The following VPS13B variants were observed in gnomAD, a reference collection of about 807,000 sequenced individuals.
The protein encoded by VPS13B is intermembrane lipid transfer protein VPS13B.
In VPS13B, 285 loss-of-function variants were observed where a neutral mutation model predicts 426.4. That is an observed-to-expected ratio of 0.67 (90% confidence interval 0.61 to 0.74). VPS13B has a LOEUF of 0.74. Among genes scored for constraint, VPS13B ranks in the 30% least tolerant of loss-of-function variants. VPS13B has a pLI of 0.00. For synonymous variants in VPS13B, 1,676 were observed against 1,676.4 expected, an observed-to-expected ratio of 1.00 and a Z score of 0.01; for missense variants, 4,537 against 4,782.6, an observed-to-expected ratio of 0.95 and a Z score of 1.51.
intron 5 of VPS13B, among the ~76,000 whole-genome samples, chr8:99,104,579 T>A (rs1224828607): frequency 1.3e-5 from 2 of 149,022 alleles, no homozygotes; most frequent in African/African-American, 4.9e-5. Flanking sequence ...CCTCTCCCTT[T>A]CATCCTCCCT....
At chr8:99,541,166 C>T (rs1161524161) in intron 30 of VPS13B, among the ~76,000 whole-genome samples, 2 of 151,772 alleles carry the variant, frequency 1.3e-5, no homozygotes, top group East Asian at 1.9e-4. Flanking sequence ...ATATTGTTTT[C>T]TGGTATCAAT....
rs1443648005 is a variant in VPS13B at position 99,274,608 on chromosome 8, A to G, written c.2650+276A>G. On this transcript the variant is annotated intron_variant, in intron 18 of 61. Transcript: ENST00000357162. The stretch of plus-strand genomic sequence containing the variant: ...TACTTTTTGGGGGAATAGGAGGTGT[A>G]TATATATGTATATAATATGACACTT... Among the ~76,000 whole-genome samples the G allele has an allele frequency of 2.0e-5, 3 of 152,274 alleles. No homozygotes were observed. In the South Asian group the frequency reaches 6.2e-4, roughly 32 times the overall value.
rs1588399743 is a variant in VPS13B at position 99,457,683 on chromosome 8, T to C, written c.3446-9731T>C. Among the ~76,000 whole-genome samples, 3 of 152,268 alleles carry C rather than the reference T, an allele frequency of 2.0e-5. No homozygotes were observed. In the East Asian group the frequency reaches 5.8e-4, roughly 29 times the overall value. On this transcript the variant is annotated intron_variant, in intron 23 of 61. Coordinates refer to ENST00000357162, the MANE Select transcript of VPS13B (RefSeq NM_152564.5). Reference sequence around the variant, plus strand: ...CATCTTAACGCTAAAACTTAGATTATTGATTTGAGAAATTTATTCCTGTAT... The same window carrying C: ...CATCTTAACGCTAAAACTTAGATTACTGATTTGAGAAATTTATTCCTGTAT...
chr8:99,272,908 G>A (rs2132988973), intron 17 of VPS13B, among the ~76,000 whole-genome samples: 1 of 152,194 alleles, frequency 6.6e-6, no homozygotes, highest in Middle Eastern at 3.4e-3. Flanking sequence ...TCTAAAATCT[G>A]AAACTTTTTG....
chr8:99,588,344 A>G (rs907990037), intron 33 of VPS13B, among the ~76,000 whole-genome samples: 10 of 151,710 alleles, frequency 6.6e-5, no homozygotes, highest in African/African-American at 2.4e-4. Context: ...GTTTTTTCCA[A>G]TTCTGTGAAG....
intron 35 of VPS13B, among the ~76,000 whole-genome samples, chr8:99,679,564 G>T (rs1427799257): frequency 6.6e-6 from 1 of 152,136 alleles, no homozygotes; most frequent in East Asian, 1.9e-4. Context: ...TAAGTATCAT[G>T]AACTGCTGCT....
At chr8:99,292,309 A>G (rs537373901) in intron 19 of VPS13B, among the ~76,000 whole-genome samples, 2 of 152,184 alleles carry the variant, frequency 1.3e-5, no homozygotes, top group Non-Finnish European at 2.9e-5. Context: ...AGAAGCAGTC[A>G]TGCCCTACTT....
At chr8:99,429,046 A>T (rs1038458259) in intron 21 of VPS13B, among the ~76,000 whole-genome samples, 26 of 152,228 alleles carry the variant, frequency 1.7e-4, no homozygotes, top group African/African-American at 6.0e-4. Context: ...AACCAAACAC[A>T]GCATATTCTC....
intron 19 of VPS13B, among the ~76,000 whole-genome samples, chr8:99,337,932 G>A (rs1304265913): frequency 6.6e-6 from 1 of 151,924 alleles, no homozygotes; most frequent in Non-Finnish European, 1.5e-5. Flanking sequence ...CATTCATCCA[G>A]TTATTAAAGC....
intron 17 of VPS13B, among the ~76,000 whole-genome samples, chr8:99,256,572 T>A (rs898656345): frequency 6.6e-5 from 10 of 152,286 alleles, no homozygotes; most frequent in African/African-American, 2.4e-4. Flanking sequence ...ATTATTTTTT[T>A]AAATAGTAGC....
intron 17 of VPS13B, among the ~76,000 whole-genome samples, chr8:99,266,185 T>C (rs764265165): frequency 1.3e-5 from 2 of 151,956 alleles, no homozygotes; most frequent in African/African-American, 2.4e-5. Flanking sequence ...TAAAGAATTA[T>C]AGCGGGCAAG....
intron 17 of VPS13B, chr8:99,234,462 G>GGCCTCGCC: frequency 1.7e-6 from 1 of 590,122 alleles, no homozygotes; most frequent in South Asian, 1.4e-5. Flanking sequence ...ACTTTACCTT[G>GGCCTCGCC]GCCTCGCCGC....
chr8:99,510,953 A>C, intron 28 of VPS13B, 151 bp from the exon 29 acceptor site: 1 of 791,988 alleles, frequency 1.3e-6, no homozygotes, highest in Non-Finnish European at 2.0e-6. Context: ...TTTTGCCCAC[A>C]TCTGCAGAAT....
chr8:99,497,857 T>A (rs1349080151), intron 25 of VPS13B, among the ~76,000 whole-genome samples: 1 of 152,164 alleles, frequency 6.6e-6, no homozygotes, highest in Non-Finnish European at 1.5e-5. Context: ...TGAAAATACT[T>A]ATGTCATTTC....
intron 35 of VPS13B, among the ~76,000 whole-genome samples, chr8:99,692,829 T>A (rs1344248277): frequency 7.0e-6 from 1 of 143,532 alleles, no homozygotes; most frequent in Non-Finnish European, 1.5e-5. Flanking sequence ...GAGAGAAGAA[T>A]CAAATAGACA....
chr8:99,795,363 G>A (rs901435083), intron 43 of VPS13B, among the ~76,000 whole-genome samples: 8 of 152,094 alleles, frequency 5.3e-5, no homozygotes, highest in Admixed American at 3.9e-4. Flanking sequence ...GGGCCATCAC[G>A]TTTCTATTAA....
At chr8:99,529,764 G>A (rs924200384) in intron 30 of VPS13B, among the ~76,000 whole-genome samples, 1 of 152,098 alleles carries the variant, frequency 6.6e-6, no homozygotes, top group African/African-American at 2.4e-5. Flanking sequence ...AGGTGTTTGG[G>A]CTTTAACAAA....
At chr8:99,840,848 GA>G (rs576975442) in intron 54 of VPS13B, among the ~76,000 whole-genome samples, 9 of 152,218 alleles carry the variant, frequency 5.9e-5, no homozygotes, top group Admixed American at 4.6e-4. Flanking sequence ...TTTTTATAAA[GA>G]AAAAAAGTCA....
chr8:99,681,636 C>G (rs1049316922), intron 35 of VPS13B, among the ~76,000 whole-genome samples: 5 of 152,120 alleles, frequency 3.3e-5, no homozygotes, highest in African/African-American at 1.2e-4. Context: ...CCACCACACT[C>G]CAGCCTAGGC....
Sources: gnomAD v4.1 joint callset for allele counts (sites outside exome capture counted in the v4.1 genomes callset) on GRCh38, gnomAD v4.1.1 for gene constraint, MANE v1.5 for transcripts, NCBI Gene and HGNC (gene_info 2026-07-23, HGNC 2026-07-21) for gene names.